The following RAVER1 variants were observed in gnomAD, a reference collection of about 807,000 sequenced individuals.
RAVER1 encodes the protein ribonucleoprotein, PTB binding 1.
A neutral mutation model predicts 68.4 loss-of-function variants in RAVER1; 36 were observed. The observed-to-expected ratio is 0.53, with a 90% confidence interval of 0.40 to 0.70. The LOEUF (loss-of-function observed/expected upper bound fraction) is 0.70. Among genes scored for constraint, RAVER1 ranks in the 30% least tolerant of loss-of-function variants. The pLI is 0.00. For synonymous variants in RAVER1, 469 were observed against 472.7 expected (o/e 0.99, Z 0.10); for missense variants, 933 against 1,019.8 (o/e 0.91, Z 1.16).
In RAVER1 at chr19:10,316,680, C is replaced by A; in HGVS notation, c.*774G>T. ...TGAAGGCTTTCCCCTTCTACTGTCC[C>A]CAGGGTGGAGATCCTGGGTAGGGTG... is the stretch of plus-strand genomic sequence containing the variant. On this transcript the variant is annotated 3_prime_UTR_variant, in exon 13 of 13. Transcript: ENST00000617231. The A allele has an allele frequency of 1.8e-6, 1 of 560,410 alleles. No homozygotes were observed. Among genetic ancestry groups the A allele is most frequent in the Middle Eastern group, 8.9e-4 (1 of 1,118 alleles). The allele number at this position is 560,410 out of a possible 1,614,324, so 34.7% of individuals were successfully genotyped here.
At position 10,316,671 on chromosome 19, in the gene RAVER1, C is replaced by T; in HGVS notation, c.*783G>A. On this transcript the variant is annotated 3_prime_UTR_variant, in exon 13 of 13. Coordinates refer to ENST00000617231, the MANE Select transcript of RAVER1 (RefSeq NM_133452.3). ...TCGCCAAGATGAAGGCTTTCCCCTT[C>T]TACTGTCCCCAGGGTGGAGATCCTG... is the stretch of plus-strand genomic sequence containing the variant. 1 of 631,244 alleles carries T rather than the reference C, an allele frequency of 1.6e-6. No homozygotes were observed. Among genetic ancestry groups the T allele is most frequent in the Non-Finnish European group, 2.0e-6 (1 of 505,828 alleles). 39.1% of individuals were successfully genotyped at this position (631,244 alleles called of 1,614,324 possible).
In RAVER1 at chr19:10,322,231, CGT is replaced by C. The variant is rs34498607; in HGVS notation, c.1173+412_1173+413del. 0.095 allele frequency: 19,061 copies of C among 200,430 alleles called. 1,191 individuals are homozygous for C. The highest frequency in any genetic ancestry group is 0.12 in the African/African-American group (4,896 of 42,420). 12.4% of individuals were successfully genotyped at this position (200,430 alleles called of 1,614,324 possible). ...ATGTATACCTGTGTTTCTAGGTGTG[CGT>C]GTGTGTGTGTGCACACACTGAGGGG... On this transcript the variant is annotated intron_variant, in intron 6 of 12. Transcript: ENST00000617231. The surrounding 1 kb of genome is among the most constrained non-coding windows in gnomAD (Gnocchi z 4.3).
In RAVER1 at chr19:10,324,146, C is replaced by T. The variant is rs537767882; in HGVS notation, c.757-580G>A. ...TCCAGCCTGGGCAACAAGAGCAAAA[C>T]TCCATCTCAAAAAAAAAAAAAAAAA... On this transcript the variant is annotated intron_variant, in intron 3 of 12. Coordinates refer to ENST00000617231, the MANE Select transcript of RAVER1 (RefSeq NM_133452.3). 4.4e-4 allele frequency among the ~76,000 whole-genome samples: 63 copies of T among 143,274 alleles called. No homozygotes were observed. In the East Asian group the frequency reaches 0.012, roughly 28 times the overall value. The allele number at this position is 143,274 out of a possible 152,430, so 94.0% of individuals were successfully genotyped here. A position where few individuals can be genotyped will look rare whatever the true frequency, so the allele number is the denominator to read the frequency against.
intron 10 of RAVER1, among the ~76,000 whole-genome samples, chr19:10,318,640 G>A (rs933086597): frequency 2.0e-5 from 3 of 152,096 alleles, no homozygotes; most frequent in Admixed American, 1.3e-4. Flanking sequence ...GATTACAGGC[G>A]TGAGCCACCA....
chr19:10,331,083 C>T (rs2040512296), intron 1 of RAVER1, among the ~76,000 whole-genome samples: 1 of 151,496 alleles, frequency 6.6e-6, no homozygotes, highest in African/African-American at 2.4e-5. Flanking sequence ...GGCGCGGTGG[C>T]TCACGCCTGT....
At position 10,322,626 on chromosome 19, in the gene RAVER1, AG is replaced by A; in HGVS notation, c.1173+18del. On this transcript the variant is annotated intron_variant, in intron 6 of 12. Coordinates refer to ENST00000617231, the MANE Select transcript of RAVER1 (RefSeq NM_133452.3). This position sits in a 1 kb window ranked among gnomAD's most constrained non-coding sequence, Gnocchi z 4.3. ...TGTAGGGGCTGTAGAGCAGTGGGTG[AG>A]GGGGATGCGTGTGTTACCTTCTGGC... is the stretch of plus-strand genomic sequence containing the variant. The A allele has an allele frequency of 6.7e-7, 1 of 1,497,426 alleles. No individual in the cohort carries two copies. The highest frequency in any genetic ancestry group is 9.0e-7 in the Non-Finnish European group (1 of 1,116,418). 92.8% of individuals were successfully genotyped at this position (1,497,426 alleles called of 1,614,324 possible). A position where few individuals can be genotyped will look rare whatever the true frequency, so the allele number is the denominator to read the frequency against.
At chr19:10,319,677 G>A (rs1201907305) in intron 9 of RAVER1, among the ~76,000 whole-genome samples, 1 of 151,628 alleles carries the variant, frequency 6.6e-6, no homozygotes, top group East Asian at 1.9e-4. Context: ...CCGCCTCCCA[G>A]GTTCAAGTGA....
rs1376042596 is a variant in RAVER1 at position 10,321,572 on chromosome 19, C to G, written c.1220G>C (p.Gly407Ala). Reference protein sequence around the residue: ...GDSPLGALQPGAQPANPLLGE... With the variant: ...GDSPLGALQPAAQPANPLLGE... ...GAGGAGGGGGTTGGCTGGCTGGGCC[C>G]CAGGCTGGAGGGCGCCCAGGGGTGA... The change falls in exon 7 of 13, where the codon GGG (glycine) becomes GCG (alanine). Residue 407 changes from glycine (G) to alanine (A), a missense_variant. Around this residue, in one of 3 missense-constraint regions of RAVER1, gnomAD observed 699 missense variants for 731.1 expected, o/e 0.96. Transcript: ENST00000617231. The G allele has an allele frequency of 7.3e-7, 1 of 1,378,458 alleles. No individual in the cohort carries two copies. Among genetic ancestry groups the G allele is most frequent in the Non-Finnish European group, 9.4e-7 (1 of 1,059,186 alleles). 85.4% of individuals were successfully genotyped at this position (1,378,458 alleles called of 1,614,324 possible).
chr19:10,331,356 C>CAAAAA (rs58419369), intron 1 of RAVER1, among the ~76,000 whole-genome samples: 42 of 29,144 alleles, frequency 1.4e-3, no homozygotes, highest in Non-Finnish European at 1.7e-3. Context: ...GACTCCGTCT[C>CAAAAA]AAAAAAAAAA....
At position 10,320,959 on chromosome 19, in the gene RAVER1, G is replaced by A. The variant is rs750850688; in HGVS notation, c.1474-8C>T. 9.4e-6 allele frequency: 14 copies of A among 1,490,974 alleles called. 2 individuals are homozygous for A. The South Asian group carries it at 1.3e-4, about 14-fold the overall frequency. The allele number at this position is 1,490,974 out of a possible 1,614,324, so 92.4% of individuals were successfully genotyped here. On this transcript the variant is annotated splice_polypyrimidine_tract_variant and splice_region_variant and intron_variant, in intron 8 of 12. Transcript: ENST00000617231. ...CTCCCCCAGCAGTGAGACCTGTGGCGGGAAGGCAGGATTCGAGAGGGCCCC... is the reference window on the plus strand; with the variant it reads ...CTCCCCCAGCAGTGAGACCTGTGGCAGGAAGGCAGGATTCGAGAGGGCCCC...
chr19:10,332,760 T>G (rs540891087), intron 1 of RAVER1, among the ~76,000 whole-genome samples: 15 of 152,086 alleles, frequency 9.9e-5, no homozygotes, highest in Admixed American at 8.5e-4. Flanking sequence ...GAAGACCCCA[T>G]TTTCCCAAAT....
chr19:10,327,468 G>T (rs1317224232), intron 3 of RAVER1, among the ~76,000 whole-genome samples: 1 of 152,074 alleles, frequency 6.6e-6, no homozygotes, highest in Non-Finnish European at 1.5e-5. Flanking sequence ...GCCCAGGCTG[G>T]TCTCGAACTC....
At position 10,328,716 on chromosome 19, in the gene RAVER1, G is replaced by C; in HGVS notation, c.682C>G (p.Leu228Val). ...TCCACATCGTTGAAGCCAGGTGGCAGGCGGTCCACACAGAGGCAGCGGGAG... is the reference window on the plus strand; with the variant it reads ...TCCACATCGTTGAAGCCAGGTGGCACGCGGTCCACACAGAGGCAGCGGGAG... Reference protein sequence around the residue: ...LHSRCLCVDRLPPGFNDVDAL... With the variant: ...LHSRCLCVDRVPPGFNDVDAL... The change falls in exon 3 of 13, where the codon CTG (leucine) becomes GTG (valine). Residue 228 changes from leucine (L) to valine (V), a missense_variant. This residue lies in a region of RAVER1 where 699 missense variants were observed against 731.1 expected (regional missense o/e 0.96). Coordinates refer to ENST00000617231, the MANE Select transcript of RAVER1 (RefSeq NM_133452.3). The surrounding 1 kb of genome is among the most constrained non-coding windows in gnomAD (Gnocchi z 4.4). The C allele has an allele frequency of 1.9e-6, 3 of 1,610,420 alleles. No homozygotes were observed. Among genetic ancestry groups the C allele is most frequent in the Non-Finnish European group, 2.5e-6 (3 of 1,178,826 alleles).
chr19:10,327,259 GTCTC>G (rs2040482251), intron 3 of RAVER1, among the ~76,000 whole-genome samples: 1 of 152,038 alleles, frequency 6.6e-6, no homozygotes, highest in Non-Finnish European at 1.5e-5. Flanking sequence ...GCCCAGGACT[GTCTC>G]TCTGTTTTTG....
rs2040406024 is a variant in RAVER1 at position 10,317,993 on chromosome 19, A to G, written c.1990-220T>C. On this transcript the variant is annotated intron_variant, in intron 11 of 12. Transcript: ENST00000617231. This position sits in a 1 kb window ranked among gnomAD's most constrained non-coding sequence, Gnocchi z 4.3. ...GTCAGATGGGGCCAGTAGCACCCAC[A>G]GCCTGGGCTGTAGAGAGAGGAAGTG... 6.6e-6 allele frequency among the ~76,000 whole-genome samples: 1 copy of G among 152,222 alleles called. No homozygotes were observed. The highest frequency in any genetic ancestry group is 1.5e-5 in the Non-Finnish European group (1 of 68,040).
chr19:10,328,554 A>C lies in RAVER1; in HGVS notation c.756+88T>G, dbSNP rs1171077045. On this transcript the variant is annotated intron_variant, in intron 3 of 12. Coordinates refer to ENST00000617231, the MANE Select transcript of RAVER1 (RefSeq NM_133452.3). This position sits in a 1 kb window ranked among gnomAD's most constrained non-coding sequence, Gnocchi z 4.4. The stretch of plus-strand genomic sequence containing the variant: ...GTGACAAAGTGAGACTGTCTCAAAA[A>C]AAAAAAAGAAAAGGCAGATGACTCC... The C allele has an allele frequency of 6.5e-6, 6 of 923,634 alleles. No individual in the cohort carries two copies. The highest frequency in any genetic ancestry group is 9.6e-6 in the Non-Finnish European group (6 of 625,728). The allele number at this position is 923,634 out of a possible 1,614,324, so 57.2% of individuals were successfully genotyped here.
chr19:10,326,998 G>C (rs896379551), intron 3 of RAVER1, among the ~76,000 whole-genome samples: 1 of 151,964 alleles, frequency 6.6e-6, no homozygotes, highest in Non-Finnish European at 1.5e-5. Flanking sequence ...TTGAACTCTT[G>C]ACCTCAAGTG....
At position 10,322,893 on chromosome 19, in the gene RAVER1, G is replaced by C. The variant is rs980927580; in HGVS notation, c.1079-154C>G. 6.6e-6 allele frequency among the ~76,000 whole-genome samples: 1 copy of C among 151,992 alleles called. No individual in the cohort carries two copies. Among genetic ancestry groups the C allele is most frequent in the African/African-American group, 2.4e-5 (1 of 41,350 alleles). On this transcript the variant is annotated intron_variant, in intron 5 of 12. Transcript: ENST00000617231. The surrounding 1 kb of genome is among the most constrained non-coding windows in gnomAD (Gnocchi z 4.3). ...CTTGCCCAAAGGAAGGGCCTAGAAGGGGCAGAGGCTACTCCAGTGAAGGTC... is the reference window on the plus strand; with the variant it reads ...CTTGCCCAAAGGAAGGGCCTAGAAGCGGCAGAGGCTACTCCAGTGAAGGTC...
chr19:10,323,896 C>T lies in RAVER1; in HGVS notation c.757-330G>A, dbSNP rs1448644655. Among the ~76,000 whole-genome samples the T allele has an allele frequency of 1.3e-5, 2 of 152,162 alleles. No individual in the cohort carries two copies. Among genetic ancestry groups the T allele is most frequent in the Non-Finnish European group, 2.9e-5 (2 of 68,030 alleles). On this transcript the variant is annotated intron_variant, in intron 3 of 12. Transcript: ENST00000617231. This position sits in a 1 kb window ranked among gnomAD's most constrained non-coding sequence, Gnocchi z 6.2. ...GGATGCGGTGGCTCACACCTGTAAT[C>T]CCAGCACTTTGGGAGGCCGAGGCGG...
Sources: gnomAD v4.1 joint callset for allele counts (sites outside exome capture counted in the v4.1 genomes callset) on GRCh38, gnomAD v4.1.1 for gene constraint, gnomAD v4.1.1 regional missense constraint, Gnocchi (gnomAD v3.1) non-coding constraint, MANE v1.5 for transcripts, NCBI Gene and HGNC (gene_info 2026-07-23, HGNC 2026-07-21) for gene names.